Variants in BMPER observed in about 807,000 individuals in gnomAD.
The protein encoded by BMPER is BMP-binding endothelial regulator protein.
A neutral mutation model predicts 87.3 loss-of-function variants in BMPER; 45 were observed. That is an observed-to-expected ratio of 0.52 (90% confidence interval 0.41 to 0.66). The LOEUF is 0.66. BMPER is among the 30% of genes least tolerant of loss of function. The probability of loss-of-function intolerance (pLI) is 0.00; values close to 1 mark genes in which losing one functional copy is unlikely to be tolerated. For synonymous variants in BMPER, 326 were observed against 316.2 expected (o/e 1.03, Z -0.33); for missense variants, 784 against 867.5 (o/e 0.90, Z 1.21).
intron 13 of BMPER, among the ~76,000 whole-genome samples, chr7:34,141,501 T>C (rs1012534568): frequency 2.0e-5 from 3 of 150,798 alleles, no homozygotes; most frequent in East Asian, 2.0e-4. Flanking sequence ...TTCCAGCTAC[T>C]TGGGAGGCTG....
At chr7:33,916,442 T>G (rs1784088421) in intron 2 of BMPER, among the ~76,000 whole-genome samples, 2 of 152,224 alleles carry the variant, frequency 1.3e-5, no homozygotes, top group African/African-American at 4.8e-5. Flanking sequence ...CTGAGTCGTC[T>G]TCATTTTAAA....
Position 34,037,340 on chromosome 7 carries a change from G to C in BMPER, c.577-8966G>C, listed in dbSNP as rs35040115. ...CTGTATGCAGTTGAAGTTTAACACTGTCTCTATAGCCAGGCTGGACCTGCT... is the reference window on the plus strand; with the variant it reads ...CTGTATGCAGTTGAAGTTTAACACTCTCTCTATAGCCAGGCTGGACCTGCT... On this transcript the variant is annotated intron_variant, in intron 6 of 14. Coordinates refer to ENST00000649409, the MANE Select transcript of BMPER (RefSeq NM_001365308.1). Among the ~76,000 whole-genome samples, 892 of 152,234 alleles carry C rather than the reference G, an allele frequency of 5.9e-3. 2 individuals are homozygous for C. The highest frequency in any genetic ancestry group is 0.01 in the Non-Finnish European group (699 of 68,016).
intron 13 of BMPER, among the ~76,000 whole-genome samples, chr7:34,106,896 T>G (rs78111638): frequency 0.043 from 6,516 of 152,300 alleles, 292 homozygotes; most frequent in African/African-American, 0.11. Flanking sequence ...CCTTTCCAAA[T>G]CCTACCCACC....
intron 6 of BMPER, among the ~76,000 whole-genome samples, chr7:34,023,386 G>T (rs1787250272): frequency 6.6e-6 from 1 of 152,018 alleles, no homozygotes; most frequent in Non-Finnish European, 1.5e-5. Context: ...GTCTCATAAG[G>T]TTGTGTGCCT....
At chr7:33,908,542 A>G (rs1783877719) in intron 2 of BMPER, among the ~76,000 whole-genome samples, 1 of 152,190 alleles carries the variant, frequency 6.6e-6, no homozygotes, top group African/African-American at 2.4e-5. Context: ...AGAGTCCTGC[A>G]GTTTTGAAGG....
chr7:33,934,909 C>A lies in BMPER; in HGVS notation c.220-2380C>A, dbSNP rs182659625. Among the ~76,000 whole-genome samples, 9 of 152,276 alleles carry A rather than the reference C, an allele frequency of 5.9e-5. No homozygotes were observed. The South Asian group carries it at 1.7e-3, about 28-fold the overall frequency. On this transcript the variant is annotated intron_variant, in intron 2 of 14. Transcript: ENST00000649409. ...CTGTTAATGAAGTTCTTTCACAATT[C>A]TCTTGGGGTGGGAGAGTCGGTATAA...
chr7:34,043,942 C>T (rs1275563520), intron 6 of BMPER, among the ~76,000 whole-genome samples: 1 of 152,198 alleles, frequency 6.6e-6, no homozygotes, highest in Non-Finnish European at 1.5e-5. Context: ...AGCATAGCCA[C>T]AGATTATAGT....
rs1788937708 is a variant in BMPER at position 34,078,960 on chromosome 7, C to T, written c.1182C>T (p.Cys394=). 6.2e-7 allele frequency: 1 copy of T among 1,614,240 alleles called. No individual in the cohort carries two copies. Among genetic ancestry groups the T allele is most frequent in the Non-Finnish European group, 8.5e-7 (1 of 1,180,036 alleles). ...GTCAGTACGTTTTGACAAAAGACTGCTCCTCCCCTGCCTCGCCCTTCCAGG... is the reference window on the plus strand; with the variant it reads ...GTCAGTACGTTTTGACAAAAGACTGTTCCTCCCCTGCCTCGCCCTTCCAGG... ...GTCQYVLTKD[C]SSPASPFQVL... The change falls in exon 12 of 15, where the codon TGC becomes TGT. Residue 394 remains cysteine (C), a synonymous_variant. Transcript: ENST00000649409.
At chr7:34,137,679 A>G (rs183439548) in intron 13 of BMPER, among the ~76,000 whole-genome samples, 21 of 152,368 alleles carry the variant, frequency 1.4e-4, no homozygotes, top group Non-Finnish European at 2.6e-4. Flanking sequence ...AAGGATAGAC[A>G]TTAGATTTTT....
chr7:34,064,607 G>A lies in BMPER; in HGVS notation c.1078+2560G>A, dbSNP rs117988242. 6.8e-4 allele frequency among the ~76,000 whole-genome samples: 104 copies of A among 152,284 alleles called. 1 individual carries two copies. Among genetic ancestry groups the A allele is most frequent in the East Asian group, 5.4e-3 (28 of 5,178 alleles). On this transcript the variant is annotated intron_variant, in intron 11 of 14. Coordinates refer to ENST00000649409, the MANE Select transcript of BMPER (RefSeq NM_001365308.1). Reference sequence around the variant, plus strand: ...ATCACTGAGAGAGGCAATTGGCAAGGGAGAAGGCCACCCAGCTGGAGGGGC... The same window carrying A: ...ATCACTGAGAGAGGCAATTGGCAAGAGAGAAGGCCACCCAGCTGGAGGGGC...
At chr7:34,131,765 G>C (rs1407620053) in intron 13 of BMPER, among the ~76,000 whole-genome samples, 1 of 152,218 alleles carries the variant, frequency 6.6e-6, no homozygotes. Flanking sequence ...CCAATGGGAA[G>C]ACTAGAGACA....
chr7:34,101,389 T>G (rs1343541713), intron 13 of BMPER, among the ~76,000 whole-genome samples: 1 of 152,218 alleles, frequency 6.6e-6, no homozygotes, highest in Non-Finnish European at 1.5e-5. Context: ...CTTCACGGAC[T>G]GTCACCTGTG....
At chr7:33,924,594 C>T (rs1176872846) in intron 2 of BMPER, among the ~76,000 whole-genome samples, 1 of 152,224 alleles carries the variant, frequency 6.6e-6, no homozygotes, top group African/African-American at 2.4e-5. Flanking sequence ...AATATATTGA[C>T]GTATTCTCCT....
rs143801459 is a variant in BMPER, at chr7:34,046,392, C to T, written c.663C>T (p.Cys221=). 3 of 1,613,596 alleles carry T rather than the reference C, an allele frequency of 1.9e-6. No homozygotes were observed. The highest frequency in any genetic ancestry group is 1.3e-5 in the African/African-American group (1 of 74,896). ...GTCACATACCCCCAGGACAGTGCTG[C>T]CCCAAATGTTTGGGTGAGTTACTAT... ...HLSHIPPGQC[C]PKCLGQRKVF... The change falls in exon 7 of 15, where the codon TGC becomes TGT. Residue 221 remains cysteine (C), a synonymous_variant. Coordinates refer to ENST00000649409, the MANE Select transcript of BMPER (RefSeq NM_001365308.1).
At chr7:33,968,243 C>A (rs531114376) in intron 4 of BMPER, among the ~76,000 whole-genome samples, 1 of 152,236 alleles carries the variant, frequency 6.6e-6, no homozygotes, top group Non-Finnish European at 1.5e-5. Context: ...CTGTGCCCTG[C>A]TAGCTAGGAT....
intron 13 of BMPER, among the ~76,000 whole-genome samples, chr7:34,140,027 G>A (rs10224315): frequency 6.6e-6 from 1 of 152,042 alleles, no homozygotes; most frequent in South Asian, 2.1e-4. Context: ...TAGAAAGATC[G>A]AATGTAGTTA....
At position 34,079,223 on chromosome 7, in the gene BMPER, C is replaced by T. The variant is rs1175210516; in HGVS notation, c.1408+37C>T. On this transcript the variant is annotated intron_variant, in intron 12 of 14. Transcript: ENST00000649409. Reference sequence around the variant, plus strand: ...GTGGCCTCCCTCTTGCTCTAGCCTCCGCCTCACTTACCCGTTCAGCAGCAC... The same window carrying T: ...GTGGCCTCCCTCTTGCTCTAGCCTCTGCCTCACTTACCCGTTCAGCAGCAC... The T allele has an allele frequency of 1.3e-5, 21 of 1,610,884 alleles. No individual in the cohort carries two copies. The East Asian group carries it at 3.3e-4, about 26-fold the overall frequency.
chr7:34,044,214 T>C (rs1382615044), intron 6 of BMPER, among the ~76,000 whole-genome samples: 2 of 152,242 alleles, frequency 1.3e-5, no homozygotes, highest in Non-Finnish European at 2.9e-5. Context: ...CTCTTTGTCC[T>C]TATTGTAAGG....
At chr7:34,045,303 G>A (rs546922731) in intron 6 of BMPER, among the ~76,000 whole-genome samples, 11 of 152,266 alleles carry the variant, frequency 7.2e-5, no homozygotes, top group South Asian at 4.2e-4. Context: ...CCCGTTGGAC[G>A]TAAATCAACT....
Sources: allele counts gnomAD v4.1 joint callset (sites outside exome capture counted in the v4.1 genomes callset), GRCh38; gene constraint gnomAD v4.1.1; transcripts MANE v1.5; gene names NCBI Gene and HGNC (gene_info 2026-07-23, HGNC 2026-07-21).